KCNH1: variants seen among roughly 807,000 people sequenced by gnomAD.
KCNH1 encodes voltage-gated delayed rectifier potassium channel KCNH1.
A neutral mutation model predicts 69.2 loss-of-function variants in KCNH1; 27 were observed. That is an observed-to-expected ratio of 0.39 (90% CI 0.29 to 0.54). KCNH1 has a LOEUF of 0.54. Among genes scored for constraint, KCNH1 ranks in the 20% least tolerant of loss-of-function variants. The probability of loss-of-function intolerance (pLI) is 0.68; values close to 1 mark genes in which losing one functional copy is unlikely to be tolerated. For synonymous variants in KCNH1, 456 were observed against 487.7 expected (o/e 0.93, Z 0.86); for missense variants, 798 against 1,261.6 (o/e 0.63, Z 5.57).
rs1404618185 is a variant in KCNH1 at position 211,038,044 on chromosome 1, C to T, written c.559-18788G>A. On this transcript the variant is annotated intron_variant, in intron 5 of 10. Transcript: ENST00000271751. ...GCGTGATCTCGGCTCACTGCAAGCT[C>T]CACCTCCCAGGTTCACGCCATTCTC... is the stretch of plus-strand genomic sequence containing the variant. Among the ~76,000 whole-genome samples, 4 of 149,942 alleles carry T rather than the reference C, an allele frequency of 2.7e-5. No homozygotes were observed. The Admixed American group carries it at 2.7e-4, about 10-fold the overall frequency.
At chr1:210,921,101 C>T (rs1687450611) in intron 6 of KCNH1, among the ~76,000 whole-genome samples, 1 of 152,200 alleles carries the variant, frequency 6.6e-6, no homozygotes, top group Non-Finnish European at 1.5e-5. Context: ...CTTCTCTAGA[C>T]AATGAGAGGT....
At chr1:210,843,851 C>T (rs974983708) in intron 7 of KCNH1, among the ~76,000 whole-genome samples, 6 of 152,134 alleles carry the variant, frequency 3.9e-5, no homozygotes, top group African/African-American at 1.4e-4. Flanking sequence ...TTATCTGTAC[C>T]TCACATACAA....
intron 6 of KCNH1, among the ~76,000 whole-genome samples, chr1:210,951,920 A>C (rs1435791613): frequency 6.6e-6 from 1 of 152,012 alleles, no homozygotes; most frequent in African/African-American, 2.4e-5. Context: ...TTCTTCTTTG[A>C]GCTTTAAGCC....
intron 6 of KCNH1, among the ~76,000 whole-genome samples, chr1:210,995,244 C>T (rs1465751648): frequency 2.6e-5 from 4 of 152,126 alleles, no homozygotes; most frequent in African/African-American, 7.2e-5. Context: ...TATTTTTCTG[C>T]CTTTTGCCAT....
chr1:211,070,364 G>A (rs1412411079), intron 5 of KCNH1, among the ~76,000 whole-genome samples: 2 of 151,238 alleles, frequency 1.3e-5, no homozygotes, highest in African/African-American at 2.4e-5. Flanking sequence ...CTTGCAGTGA[G>A]CCAAGATCGC....
At chr1:211,030,855 T>C (rs576117893) in intron 5 of KCNH1, among the ~76,000 whole-genome samples, 1 of 152,044 alleles carries the variant, frequency 6.6e-6, no homozygotes, top group Admixed American at 6.5e-5. Flanking sequence ...AATAAAGAAA[T>C]AGTATCTAGA....
intron 7 of KCNH1, chr1:210,860,614 T>C (rs1280763683): frequency 2.5e-6 from 2 of 809,114 alleles, no homozygotes; most frequent in African/African-American, 3.4e-5. Context: ...GGTAAGGTCA[T>C]CATTTTCTGT....
At chr1:210,982,775 G>A (rs538757531) in intron 6 of KCNH1, among the ~76,000 whole-genome samples, 1 of 152,260 alleles carries the variant, frequency 6.6e-6, no homozygotes, top group South Asian at 2.1e-4. Context: ...AATCCTTTGG[G>A]TATACACCCA....
chr1:210,756,745 T>A (rs950209110), intron 10 of KCNH1, among the ~76,000 whole-genome samples: 2 of 152,156 alleles, frequency 1.3e-5, no homozygotes, highest in African/African-American at 2.4e-5. Context: ...TCCATGCTGA[T>A]CCACTTGTTC....
chr1:210,999,190 A>T (rs1689116995), intron 6 of KCNH1, among the ~76,000 whole-genome samples: 1 of 152,216 alleles, frequency 6.6e-6, no homozygotes, highest in Non-Finnish European at 1.5e-5. Context: ...AAATAGAGAC[A>T]CAAAAAACCC....
chr1:210,862,543 A>T (rs893251431), intron 7 of KCNH1, among the ~76,000 whole-genome samples: 1 of 152,164 alleles, frequency 6.6e-6, no homozygotes, highest in African/African-American at 2.4e-5. Flanking sequence ...TATGTTGCCC[A>T]GGCTGGTCTT....
chr1:210,753,677 G>A (rs1488020223), intron 10 of KCNH1, among the ~76,000 whole-genome samples: 5 of 152,068 alleles, frequency 3.3e-5, no homozygotes, highest in African/African-American at 1.2e-4. Flanking sequence ...ACCATAAAAG[G>A]TCCTTGATCC....
intron 7 of KCNH1, among the ~76,000 whole-genome samples, chr1:210,898,810 C>T (rs983414970): frequency 6.6e-6 from 1 of 152,166 alleles, no homozygotes; most frequent in Non-Finnish European, 1.5e-5. Context: ...CCAAGAGAAG[C>T]CTGGCTTGAC....
intron 6 of KCNH1, among the ~76,000 whole-genome samples, chr1:211,013,203 T>C (rs915930406): frequency 6.6e-6 from 1 of 152,188 alleles, no homozygotes. Flanking sequence ...GTAATGAACG[T>C]TGGTCCAACT....
intron 6 of KCNH1, among the ~76,000 whole-genome samples, chr1:211,006,660 T>A (rs1055440143): frequency 6.6e-6 from 1 of 152,166 alleles, no homozygotes; most frequent in African/African-American, 2.4e-5. Context: ...AAAAAGCATA[T>A]TTCTGTTTTA....
chr1:210,896,489 G>T (rs1370223485), intron 7 of KCNH1, among the ~76,000 whole-genome samples: 1 of 152,094 alleles, frequency 6.6e-6, no homozygotes, highest in Non-Finnish European at 1.5e-5. Context: ...TGTTTTTTCT[G>T]TATCTACATT....
chr1:210,924,489 C>T (rs1432400955), intron 6 of KCNH1, among the ~76,000 whole-genome samples: 1 of 152,180 alleles, frequency 6.6e-6, no homozygotes, highest in African/African-American at 2.4e-5. Context: ...AATGCATTAG[C>T]AGCTGGAATT....
At chr1:210,868,842 C>T (rs1686173521) in intron 7 of KCNH1, among the ~76,000 whole-genome samples, 1 of 151,830 alleles carries the variant, frequency 6.6e-6, no homozygotes. Flanking sequence ...TTGGGATTTG[C>T]TGTTTATTCT....
At chr1:210,954,310 G>A (rs1221007428) in intron 6 of KCNH1, among the ~76,000 whole-genome samples, 3 of 152,154 alleles carry the variant, frequency 2.0e-5, no homozygotes, top group Non-Finnish European at 4.4e-5. Context: ...ATCATTGATG[G>A]ACATTTGGGT....
Sources: gnomAD v4.1 joint callset for allele counts (sites outside exome capture counted in the v4.1 genomes callset) on GRCh38, gnomAD v4.1.1 for gene constraint, MANE v1.5 for transcripts, NCBI Gene and HGNC (gene_info 2026-07-23, HGNC 2026-07-21) for gene names.